GPC6: variants seen among roughly 807,000 people sequenced by gnomAD.
GPC6 encodes the protein glypican 6.
A neutral mutation model predicts 55.2 loss-of-function variants in GPC6; 14 were observed. The ratio of observed to expected loss-of-function variants is 0.25; its 90% CI spans 0.17 to 0.40. The LOEUF is 0.40. Among genes scored for constraint, GPC6 ranks in the 10% least tolerant of loss-of-function variants. The pLI, the probability that GPC6 is intolerant of heterozygous loss-of-function variation, is 1.00. For missense variants in GPC6, 641 were observed against 708.5 expected (o/e 0.90, Z 1.08); for synonymous variants, 278 against 259.6 (o/e 1.07, Z -0.68).
intron 1 of GPC6, among the ~76,000 whole-genome samples, chr13:93,314,649 G>C (rs150958024): frequency 6.6e-6 from 1 of 152,140 alleles, no homozygotes; most frequent in African/African-American, 2.4e-5. Context: ...AACTGCAGCA[G>C]AGAATGCAAG....
rs1878672382 is a variant in GPC6 at position 93,301,289 on chromosome 13, C to T, written c.160+73673C>T. 2.0e-5 allele frequency among the ~76,000 whole-genome samples: 3 copies of T among 152,230 alleles called. No homozygotes were observed. In the East Asian group the frequency reaches 5.8e-4, roughly 29 times the overall value. On this transcript the variant is annotated intron_variant, in intron 1 of 8. Coordinates refer to ENST00000377047, the MANE Select transcript of GPC6 (RefSeq NM_005708.5). The stretch of plus-strand genomic sequence containing the variant: ...TAATCACAGATTGATGGCTCATGTC[C>T]TAAAATGGTGATGCTTGGATATGTG...
At chr13:93,220,667 C>T in the GPC6 span, among the ~76,000 whole-genome samples, 1,832 of 152,226 alleles carry the variant, frequency 0.012, 26 homozygotes, top group Non-Finnish European at 0.021. Context: ...ATACACTTTC[C>T]TAATGATGTT....
At chr13:94,139,150 A>T (rs1207760760) in intron 4 of GPC6, among the ~76,000 whole-genome samples, 1 of 152,040 alleles carries the variant, frequency 6.6e-6, no homozygotes, top group East Asian at 1.9e-4. Context: ...GGATCAGATG[A>T]TGAAGGACCC....
At chr13:93,321,781 C>G (rs1348372573) in intron 1 of GPC6, among the ~76,000 whole-genome samples, 1 of 152,168 alleles carries the variant, frequency 6.6e-6, no homozygotes, top group African/African-American at 2.4e-5. Context: ...TGTGAGCAGA[C>G]TAGACAACAA....
At chr13:93,657,930 T>C (rs1467706069) in intron 2 of GPC6, among the ~76,000 whole-genome samples, 1 of 151,892 alleles carries the variant, frequency 6.6e-6, no homozygotes, top group African/African-American at 2.4e-5. Context: ...TCAGAATGGC[T>C]ATTTAAAATA....
intron 2 of GPC6, among the ~76,000 whole-genome samples, chr13:93,747,323 G>A (rs998131445): frequency 5.9e-5 from 9 of 152,164 alleles, no homozygotes; most frequent in Non-Finnish European, 1.0e-4. Flanking sequence ...GCTACAGGAC[G>A]CTCTTGCTTG....
rs374642398 is a variant in GPC6 at position 94,310,546 on chromosome 13, G to A, written c.1152+4423G>A. 2.0e-5 allele frequency among the ~76,000 whole-genome samples: 3 copies of A among 152,144 alleles called. No homozygotes were observed. The East Asian group carries it at 5.8e-4, about 29-fold the overall frequency. ...TTCCTCTTGCTTCCCAGAGGACTGTGTGGCGGACTATGCAGCATAGTGTAA... is the reference window on the plus strand; with the variant it reads ...TTCCTCTTGCTTCCCAGAGGACTGTATGGCGGACTATGCAGCATAGTGTAA... On this transcript the variant is annotated intron_variant, in intron 6 of 8. Coordinates refer to ENST00000377047, the MANE Select transcript of GPC6 (RefSeq NM_005708.5).
intron 4 of GPC6, among the ~76,000 whole-genome samples, chr13:94,048,597 C>T (rs986304135): frequency 2.0e-5 from 3 of 151,620 alleles, no homozygotes; most frequent in East Asian, 3.9e-4. Flanking sequence ...CTGGATTAGC[C>T]GCTGTGGGGT....
intron 1 of GPC6, among the ~76,000 whole-genome samples, chr13:93,271,461 T>A (rs1016788451): frequency 2.6e-5 from 4 of 152,042 alleles, no homozygotes; most frequent in Admixed American, 2.6e-4. Flanking sequence ...CAAAATTACA[T>A]CCTAGATAAA....
rs2140355505 is a variant in GPC6, at chr13:93,932,072, A to G, written c.712-95657A>G. Among the ~76,000 whole-genome samples, 3 of 152,322 alleles carry G rather than the reference A, an allele frequency of 2.0e-5. No individual in the cohort carries two copies. In the South Asian group the frequency reaches 6.2e-4, roughly 32 times the overall value. ...CATAATGAGAACATTTTTACTGAAC[A>G]TGATATTACTTCATTCAAGGATTTA... On this transcript the variant is annotated intron_variant, in intron 3 of 8. Coordinates refer to ENST00000377047, the MANE Select transcript of GPC6 (RefSeq NM_005708.5).
chr13:93,729,487 T>C (rs1883751668), intron 2 of GPC6, among the ~76,000 whole-genome samples: 1 of 152,126 alleles, frequency 6.6e-6, no homozygotes, highest in African/African-American at 2.4e-5. Flanking sequence ...AAAACCTCAG[T>C]AATTGCACCA....
chr13:93,839,726 A>G (rs1164731669), intron 3 of GPC6, among the ~76,000 whole-genome samples: 2 of 152,006 alleles, frequency 1.3e-5, no homozygotes, highest in Non-Finnish European at 2.9e-5. Flanking sequence ...TGTTATGAGG[A>G]TGTTCCCTGG....
chr13:93,718,378 A>T (rs923414575), intron 2 of GPC6, among the ~76,000 whole-genome samples: 1 of 151,222 alleles, frequency 6.6e-6, no homozygotes, highest in African/African-American at 2.4e-5. Context: ...GCTTTTTTTC[A>T]TGTTTGTTGG....
At chr13:93,694,491 G>A (rs1472217843) in intron 2 of GPC6, among the ~76,000 whole-genome samples, 3 of 152,094 alleles carry the variant, frequency 2.0e-5, no homozygotes, top group Non-Finnish European at 2.9e-5. Flanking sequence ...AAATTGAAAA[G>A]CAGCAGTCAA....
intron 3 of GPC6, among the ~76,000 whole-genome samples, chr13:93,845,625 C>T (rs1374040836): frequency 1.8e-4 from 26 of 141,810 alleles, no homozygotes; most frequent in African/African-American, 6.9e-4. Context: ...AAATGTGGCA[C>T]ATATACACCA....
chr13:93,682,786 C>T (rs1881896912), intron 2 of GPC6, among the ~76,000 whole-genome samples: 1 of 150,690 alleles, frequency 6.6e-6, no homozygotes, highest in Non-Finnish European at 1.5e-5. Context: ...AGCTGGCAGA[C>T]CTCTTGAGCC....
At chr13:94,226,580 C>G (rs1352729594) in intron 4 of GPC6, among the ~76,000 whole-genome samples, 1 of 152,124 alleles carries the variant, frequency 6.6e-6, no homozygotes, top group Non-Finnish European at 1.5e-5. Flanking sequence ...AGGCTCTTTT[C>G]TAAGCATCTT....
chr13:94,381,616 G>A (rs1189564774), intron 6 of GPC6, among the ~76,000 whole-genome samples: 4 of 152,158 alleles, frequency 2.6e-5, no homozygotes, highest in African/African-American at 7.2e-5. Flanking sequence ...AATTTAACAC[G>A]TTAAGGGGAG....
At chr13:93,340,476 A>G (rs528242916) in intron 1 of GPC6, among the ~76,000 whole-genome samples, 27 of 152,374 alleles carry the variant, frequency 1.8e-4, no homozygotes, top group South Asian at 1.2e-3. Flanking sequence ...AATAAATAAA[A>G]GAAAGTAATT....
Sources: gnomAD v4.1 joint callset for allele counts (sites outside exome capture counted in the v4.1 genomes callset) on GRCh38, gnomAD v4.1.1 for gene constraint, MANE v1.5 for transcripts, NCBI Gene and HGNC (gene_info 2026-07-23, HGNC 2026-07-21) for gene names.